Variants in ERCC6L2 observed in about 807,000 individuals in gnomAD.
ERCC6L2 encodes DNA excision repair protein ERCC-6-like 2.
A neutral mutation model predicts 132.0 loss-of-function variants in ERCC6L2; 77 were observed. The ratio of observed to expected loss-of-function variants is 0.58; its 90% CI spans 0.49 to 0.71. The LOEUF (loss-of-function observed/expected upper bound fraction) is 0.71, where lower values mean the gene tolerates loss of function less well. ERCC6L2 is among the 30% of genes least tolerant of loss of function. The probability of loss-of-function intolerance (pLI) is 0.00; values close to 1 mark genes in which losing one functional copy is unlikely to be tolerated. For synonymous variants in ERCC6L2, 583 were observed against 632.4 expected (o/e 0.92, Z 1.17); for missense variants, 1,542 against 1,837.6 (o/e 0.84, Z 2.94).
At position 96,016,713 on chromosome 9, in the gene ERCC6L2, T is replaced by C. The variant is rs73654811; in HGVS notation, c.*3510T>C. Among the ~76,000 whole-genome samples, 4,839 of 152,362 alleles carry C rather than the reference T, an allele frequency of 0.032. 277 individuals carry two copies. Among genetic ancestry groups the C allele is most frequent in the African/African-American group, 0.11 (4,624 of 41,578 alleles). ...GTTCAATGTGTACGCTTTTAAATTC[T>C]GAAGTTATCCTTCTTTTATGATATC... On this transcript the variant is annotated 3_prime_UTR_variant, in exon 19 of 19. Transcript: ENST00000653738.
At chr9:95,939,672 T>C (rs2132866324) in intron 11 of ERCC6L2, among the ~76,000 whole-genome samples, 1 of 152,326 alleles carries the variant, frequency 6.6e-6, no homozygotes, top group South Asian at 2.1e-4. Flanking sequence ...TTTTGTTTTG[T>C]TTGTTTTTGC....
At chr9:95,937,613 T>C (rs1449758379) in intron 11 of ERCC6L2, among the ~76,000 whole-genome samples, 7 of 152,104 alleles carry the variant, frequency 4.6e-5, no homozygotes, top group Admixed American at 1.3e-4. Flanking sequence ...TTCTAACTTA[T>C]TGAATTTATG....
rs372604415 is a variant in ERCC6L2, at chr9:95,907,178, A to G, written c.695A>G (p.Lys232Arg). The G allele has an allele frequency of 6.2e-7, 1 of 1,613,520 alleles. No individual in the cohort carries two copies. The highest frequency in any genetic ancestry group is 1.3e-5 in the African/African-American group (1 of 74,910). ...FRVTVLHGNR[K>R]DNELIRVKQR... ...GTCACTGTTTTACATGGAAACAGAA[A>G]AGATAATGAATTAATTCGTGTAAAG... Residue 232 changes from lysine (K) to arginine (R), a missense_variant, in exon 4 of 19, where the codon AAA becomes AGA. Around this residue, in one of 4 missense-constraint regions of ERCC6L2, gnomAD observed 945 missense variants for 1,105.2 expected, o/e 0.86. Coordinates refer to ENST00000653738, the MANE Select transcript of ERCC6L2 (RefSeq NM_020207.7).
intron 17 of ERCC6L2, among the ~76,000 whole-genome samples, chr9:95,988,053 G>A (rs1833161273): frequency 6.6e-6 from 1 of 152,206 alleles, no homozygotes. Flanking sequence ...GGACACAGGA[G>A]ACCAAGCCTC....
intron 13 of ERCC6L2, among the ~76,000 whole-genome samples, chr9:95,965,631 G>A (rs1178445787): frequency 9.9e-5 from 15 of 151,930 alleles, no homozygotes; most frequent in Admixed American, 3.3e-4. Context: ...TCAGCCTCCC[G>A]AGTAGCTGGG....
intron 18 of ERCC6L2, among the ~76,000 whole-genome samples, chr9:96,005,271 C>T (rs1292783496): frequency 6.6e-6 from 1 of 151,852 alleles, no homozygotes; most frequent in Non-Finnish European, 1.5e-5. Context: ...CGAGATTGCG[C>T]CACTGCACTC....
Position 96,012,327 on chromosome 9 carries a change from A to G in ERCC6L2, c.3777A>G (p.Leu1259=). 1.5e-6 allele frequency: 2 copies of G among 1,358,954 alleles called. No homozygotes were observed. The highest frequency in any genetic ancestry group is 1.1e-5 in the South Asian group (1 of 86,994). The allele number at this position is 1,358,954 out of a possible 1,614,324, so 84.2% of individuals were successfully genotyped here. ...CATCAGAAGAACGACAGAAAATGCT[A>G]AGAGACTTTTATGCTTCTCAATATC... is the stretch of plus-strand genomic sequence containing the variant. ...NATSEERQKM[L]RDFYASQYPE... Residue 1259 remains leucine, a synonymous_variant, in exon 19 of 19, where the codon CTA becomes CTG. Coordinates refer to ENST00000653738, the MANE Select transcript of ERCC6L2 (RefSeq NM_020207.7).
Position 95,951,785 on chromosome 9 carries a change from G to A in ERCC6L2, c.1848-4129G>A, listed in dbSNP as rs138626140. 9.3e-3 allele frequency among the ~76,000 whole-genome samples: 1,411 copies of A among 152,230 alleles called. 10 individuals carry two copies. The highest frequency in any genetic ancestry group is 0.027 in the Middle Eastern group (8 of 294). On this transcript the variant is annotated intron_variant, in intron 12 of 18. Transcript: ENST00000653738. ...CTGAATATAACTATAACTGTGTAAG[G>A]AGATTGAATCAGTAATCAAAAACCT...
chr9:95,887,342 C>G (rs188379492), intron 2 of ERCC6L2, among the ~76,000 whole-genome samples: 1 of 152,132 alleles, frequency 6.6e-6, no homozygotes. Context: ...GAAGGCATAG[C>G]TCTAATATAG....
chr9:95,939,509 CTGT>C (rs765769704), intron 11 of ERCC6L2, among the ~76,000 whole-genome samples: 1 of 152,138 alleles, frequency 6.6e-6, no homozygotes, highest in Non-Finnish European at 1.5e-5. Context: ...ATGTTTCTCT[CTGT>C]TGTTCATATT....
chr9:96,030,651 G>C (rs1247513597), intron 19 of ERCC6L2, among the ~76,000 whole-genome samples: 1 of 146,150 alleles, frequency 6.8e-6, no homozygotes, highest in African/African-American at 2.6e-5. Context: ...GCAGTGAGCC[G>C]AGATTGCGCC....
chr9:95,930,899 AC>A (rs1830306911), intron 11 of ERCC6L2, among the ~76,000 whole-genome samples: 1 of 152,174 alleles, frequency 6.6e-6, no homozygotes, highest in Admixed American at 6.5e-5. Flanking sequence ...TATTATGTTA[AC>A]TATTTTAACT....
At chr9:95,883,547 C>G (rs1402348914) in intron 2 of ERCC6L2, among the ~76,000 whole-genome samples, 2 of 152,202 alleles carry the variant, frequency 1.3e-5, no homozygotes, top group Non-Finnish European at 2.9e-5. Flanking sequence ...CTTTGATTAG[C>G]CAGTGCATGT....
rs1834189194 is a variant in ERCC6L2, at chr9:96,016,576, C to T, written c.*3373C>T. On this transcript the variant is annotated 3_prime_UTR_variant, in exon 19 of 19. Coordinates refer to ENST00000653738, the MANE Select transcript of ERCC6L2 (RefSeq NM_020207.7). ...AACATCTGCAAATGGTGCAGCTGCC[C>T]CTAAGTATTCAAGGCAAAGAAGCCT... Among the ~76,000 whole-genome samples, 1 of 152,098 alleles carries T rather than the reference C, an allele frequency of 6.6e-6. No individual in the cohort carries two copies. Among genetic ancestry groups the T allele is most frequent in the Non-Finnish European group, 1.5e-5 (1 of 68,014 alleles).
chr9:96,026,811 A>ATACCAC (rs768944562), intron 19 of ERCC6L2, among the ~76,000 whole-genome samples: 4,576 of 107,422 alleles, frequency 0.043, 98 homozygotes, highest in East Asian at 0.17. Flanking sequence ...ATACCACAAC[A>ATACCAC]CACACCAAAC....
chr9:95,954,006 G>C (rs992505287), intron 12 of ERCC6L2, among the ~76,000 whole-genome samples: 1 of 152,188 alleles, frequency 6.6e-6, no homozygotes, highest in African/African-American at 2.4e-5. Flanking sequence ...GGTAGGAACT[G>C]TCATTCTTGG....
chr9:95,878,556 C>A (rs1827414713), intron 1 of ERCC6L2, among the ~76,000 whole-genome samples: 1 of 151,182 alleles, frequency 6.6e-6, no homozygotes, highest in Non-Finnish European at 1.5e-5. Context: ...GCACAATGTG[C>A]AGGTTAGTTA....
intron 9 of ERCC6L2, among the ~76,000 whole-genome samples, chr9:95,925,370 C>G (rs560791361): frequency 1.1e-4 from 17 of 152,154 alleles, no homozygotes; most frequent in Non-Finnish European, 2.4e-4. Flanking sequence ...TGAAGTCACA[C>G]AAGGGTCATG....
chr9:95,954,878 G>A (rs1384436214), intron 12 of ERCC6L2: 1 of 470,932 alleles, frequency 2.1e-6, no homozygotes, highest in Admixed American at 2.4e-5. Context: ...AGATTTGCAG[G>A]ATCCAAGATG....
Sources: gnomAD v4.1 joint callset for allele counts (sites outside exome capture counted in the v4.1 genomes callset) on GRCh38, gnomAD v4.1.1 for gene constraint, gnomAD v4.1.1 regional missense constraint, MANE v1.5 for transcripts, NCBI Gene and HGNC (gene_info 2026-07-23, HGNC 2026-07-21) for gene names.